PACRG: variants seen among roughly 807,000 people sequenced by gnomAD.
PACRG encodes the protein parkin coregulated.
A neutral mutation model predicts 29.7 loss-of-function variants in PACRG; 29 were observed. That is an observed-to-expected ratio of 0.98 (90% CI 0.73 to 1.33). The LOEUF (loss-of-function observed/expected upper bound fraction) is 1.33. PACRG is among the 40% of genes most tolerant of loss of function. PACRG has a pLI of 0.00. For missense variants in PACRG, 279 were observed against 316.2 expected (o/e 0.88, Z 0.89); for synonymous variants, 116 against 118.7 (o/e 0.98, Z 0.15).
chr6:163,293,981 C>G (rs573699835), intron 4 of PACRG, among the ~76,000 whole-genome samples: 1 of 152,074 alleles, frequency 6.6e-6, no homozygotes, highest in Non-Finnish European at 1.5e-5. Flanking sequence ...TTATTTTTGC[C>G]AAGATACAAC....
intron 2 of PACRG, among the ~76,000 whole-genome samples, chr6:162,984,112 T>C (rs759513919): frequency 5.9e-5 from 9 of 152,032 alleles, no homozygotes; most frequent in Non-Finnish European, 1.3e-4. Flanking sequence ...GAGATTTTGG[T>C]GCACCCATCA....
At chr6:162,926,140 C>T (rs1353100483) in intron 2 of PACRG, among the ~76,000 whole-genome samples, 1 of 151,934 alleles carries the variant, frequency 6.6e-6, no homozygotes, top group East Asian at 1.9e-4. Flanking sequence ...AGCCACTGCT[C>T]AAGAAAATAA....
intron 4 of PACRG, among the ~76,000 whole-genome samples, chr6:163,263,199 G>A (rs758975349): frequency 6.6e-6 from 1 of 150,428 alleles, no homozygotes; most frequent in Non-Finnish European, 1.5e-5. Flanking sequence ...TACTTGCGTC[G>A]TCATGCCAAG....
upstream of PACRG, chr6:162,727,735 C>G (rs1036204101): frequency 4.7e-6 from 7 of 1,505,318 alleles, no homozygotes; most frequent in South Asian, 1.2e-5. Context: ...CCAGCCGCGC[C>G]TCCCACCAGC....
chr6:163,120,129 GT>G (rs1305229983), intron 4 of PACRG, among the ~76,000 whole-genome samples: 1 of 152,150 alleles, frequency 6.6e-6, no homozygotes, highest in Non-Finnish European at 1.5e-5. Context: ...GAAAGGCTGT[GT>G]TTTGTGTGGC....
chr6:162,876,859 T>G (rs1233791681), intron 2 of PACRG, among the ~76,000 whole-genome samples: 1 of 152,232 alleles, frequency 6.6e-6, no homozygotes, highest in Admixed American at 6.5e-5. Context: ...CATTTAAGTC[T>G]TTAATCCATC....
At chr6:163,210,896 G>A (rs1430415233) in intron 4 of PACRG, among the ~76,000 whole-genome samples, 1 of 152,198 alleles carries the variant, frequency 6.6e-6, no homozygotes, top group Admixed American at 6.5e-5. Context: ...TTGACCTGGT[G>A]AACTGTCTGG....
intron 4 of PACRG, among the ~76,000 whole-genome samples, chr6:163,298,687 C>T (rs1355713218): frequency 6.6e-6 from 1 of 152,140 alleles, no homozygotes; most frequent in East Asian, 1.9e-4. Flanking sequence ...GTATTCCTTC[C>T]ACTCCATAGC....
chr6:163,008,701 T>C lies in PACRG; in HGVS notation c.292-53449T>C, dbSNP rs552743389. 2.8e-4 allele frequency among the ~76,000 whole-genome samples: 41 copies of C among 148,510 alleles called. 1 individual carries two copies. In the South Asian group the frequency reaches 8.6e-3, roughly 31 times the overall value. ...AGCACCTCACATGGTAAGAGGACTA[T>C]GTATTCCTTTCCCTTCGTGAAGGCT... On this transcript the variant is annotated intron_variant, in intron 2 of 4. Coordinates refer to ENST00000366888, the MANE Select transcript of PACRG (RefSeq NM_001080379.2).
In PACRG at chr6:162,747,402, GTATATATATA is replaced by G. The variant is rs68075936; in HGVS notation, c.156+19016_156+19025del. On this transcript the variant is annotated intron_variant, in intron 1 of 4. Transcript: ENST00000366888. ...TATGTATATATATGTATATATATAT[GTATATATATA>G]TATAACTATAAATATATATGTAAAA... Among the ~76,000 whole-genome samples the G allele has an allele frequency of 2.2e-4, 6 of 27,604 alleles. 1 individual carries two copies. The highest frequency in any genetic ancestry group is 3.4e-4 in the Non-Finnish European group (6 of 17,462). The allele number at this position is 27,604 out of a possible 152,430, so 18.1% of individuals were successfully genotyped here.
intron 3 of PACRG, among the ~76,000 whole-genome samples, chr6:163,080,588 G>GT (rs1335146889): frequency 6.6e-6 from 1 of 152,108 alleles, no homozygotes; most frequent in East Asian, 1.9e-4. Context: ...GACCATTTTG[G>GT]TAACTGAATA....
chr6:163,129,517 C>G (rs1167628419), intron 4 of PACRG, among the ~76,000 whole-genome samples: 2 of 152,228 alleles, frequency 1.3e-5, no homozygotes, highest in African/African-American at 4.8e-5. Flanking sequence ...GTCATCCACT[C>G]TAGACAGTGC....
chr6:162,775,249 C>T (rs1783552159), intron 1 of PACRG, among the ~76,000 whole-genome samples: 1 of 152,110 alleles, frequency 6.6e-6, no homozygotes, highest in Admixed American at 6.5e-5. Flanking sequence ...GCTTCTGAAA[C>T]GATGAGAAAT....
intron 4 of PACRG, among the ~76,000 whole-genome samples, chr6:163,257,309 G>C (rs1382005817): frequency 6.6e-6 from 1 of 151,998 alleles, no homozygotes; most frequent in Non-Finnish European, 1.5e-5. Context: ...TCTGGGGGCT[G>C]TATGGATAGG....
chr6:163,181,182 G>A (rs966933039), intron 4 of PACRG, among the ~76,000 whole-genome samples: 4 of 152,178 alleles, frequency 2.6e-5, no homozygotes, highest in Non-Finnish European at 4.4e-5. Context: ...GTCTGAAACC[G>A]AGTCAGACTG....
At chr6:163,233,615 C>T (rs1466158942) in intron 4 of PACRG, among the ~76,000 whole-genome samples, 3 of 152,072 alleles carry the variant, frequency 2.0e-5, no homozygotes, top group African/African-American at 7.2e-5. Flanking sequence ...TCCAAGAGGC[C>T]GTGGAGGGGG....
intron 4 of PACRG, among the ~76,000 whole-genome samples, chr6:163,185,274 A>C (rs1309550685): frequency 2.6e-5 from 4 of 152,178 alleles, no homozygotes; most frequent in Non-Finnish European, 5.9e-5. Context: ...GGCCAAAACA[A>C]GCCTGGATTG....
rs530625152 is a variant in PACRG, at chr6:163,283,474, T to C, written c.614-31353T>C. Among the ~76,000 whole-genome samples, 71 of 152,362 alleles carry C rather than the reference T, an allele frequency of 4.7e-4. No individual in the cohort carries two copies. The Middle Eastern group carries it at 0.01, about 22-fold the overall frequency. On this transcript the variant is annotated intron_variant, in intron 4 of 4. Transcript: ENST00000366888. ...TTAGGATGCCATAAACACAATGTTA[T>C]GGATAAATCAATGTGTTAGGTTTTT...
chr6:162,958,872 TATATATATATATAGAGAGAG>T (rs1478804069), intron 2 of PACRG, among the ~76,000 whole-genome samples: 57 of 61,136 alleles, frequency 9.3e-4, no homozygotes, highest in African/African-American at 3.4e-3. Flanking sequence ...TATATATATA[TATATATATATATAGAGAGAG>T]AGAGAGAGAG....
Sources: allele counts gnomAD v4.1 joint callset (sites outside exome capture counted in the v4.1 genomes callset), GRCh38; gene constraint gnomAD v4.1.1; transcripts MANE v1.5; gene names NCBI Gene and HGNC (gene_info 2026-07-23, HGNC 2026-07-21).